HYDIN: variants seen among roughly 807,000 people sequenced by gnomAD.
HYDIN encodes axonemal central pair apparatus protein HYDIN.
In HYDIN, 132 loss-of-function variants were observed where a neutral mutation model predicts 403.9. The ratio of observed to expected loss-of-function variants is 0.33; its 90% confidence interval spans 0.28 to 0.38. The LOEUF (loss-of-function observed/expected upper bound fraction) is 0.38, where lower values mean the gene tolerates loss of function less well. Among genes scored for constraint, HYDIN ranks in the 10% least tolerant of loss-of-function variants. The pLI is 1.00. For missense variants in HYDIN, 2,827 were observed against 5,009.5 expected, an observed-to-expected ratio of 0.56 and a Z score of 13.15; for synonymous variants, 1,202 against 1,891.7, an observed-to-expected ratio of 0.64 and a Z score of 9.46.
chr16:71,228,970 G>T (rs371528609), intron 1 of HYDIN, among the ~76,000 whole-genome samples: 1 of 152,126 alleles, frequency 6.6e-6, no homozygotes, highest in East Asian at 1.9e-4. Context: ...GGAATACTAT[G>T]CAGCCATAAA....
At chr16:71,105,241 C>A (rs2083578021) in intron 10 of HYDIN, among the ~76,000 whole-genome samples, 2 of 151,660 alleles carry the variant, frequency 1.3e-5, no homozygotes, top group South Asian at 4.2e-4. Flanking sequence ...GAAAAATACC[C>A]AGAATACATC....
rs749125477 is a variant in HYDIN, at chr16:70,868,734, C to T, written c.11146G>A (p.Asp3716Asn). 2 of 1,614,020 alleles carry T rather than the reference C, an allele frequency of 1.2e-6. No homozygotes were observed. The highest frequency in any genetic ancestry group is 1.7e-6 in the Non-Finnish European group (2 of 1,180,004). Residue 3716 changes from aspartate to asparagine, a missense_variant, in exon 66 of 86, where the codon GAT becomes AAT. Asp to Asn is a conservative substitution (Grantham distance 23, BLOSUM62 1). Transcript: ENST00000393567. ...AKDIVVTMKSDVPINLKNMRI... is the reference protein window; with the variant it reads ...AKDIVVTMKSNVPINLKNMRI... ...ATATTCTTTAGGTTGATGGGTACAT[C>T]TGACTTCATGGTCACCACTATGTCC...
intron 44 of HYDIN, among the ~76,000 whole-genome samples, chr16:70,936,575 AC>A (rs2077499387): frequency 7.0e-6 from 1 of 143,254 alleles, no homozygotes; most frequent in Non-Finnish European, 1.6e-5. Flanking sequence ...TCGCTCTGTC[AC>A]CCAGGCTGGA....
At chr16:71,195,384 G>A (rs1235815879) in intron 1 of HYDIN, among the ~76,000 whole-genome samples, 2 of 152,090 alleles carry the variant, frequency 1.3e-5, no homozygotes, top group African/African-American at 2.4e-5. Flanking sequence ...GCTACAGTGA[G>A]GGCAAGGGCT....
At chr16:71,176,168 G>A (rs2086662931) in intron 4 of HYDIN, among the ~76,000 whole-genome samples, 1 of 133,376 alleles carries the variant, frequency 7.5e-6, no homozygotes, top group African/African-American at 4.2e-5. Flanking sequence ...AGCCGGGTGT[G>A]GTAGCATGTG....
chr16:71,103,070 G>T (rs1223813925), intron 10 of HYDIN, among the ~76,000 whole-genome samples: 1 of 137,454 alleles, frequency 7.3e-6, no homozygotes, highest in Non-Finnish European at 1.5e-5. Flanking sequence ...TAGAAAAACT[G>T]GATAGAGTTT....
intron 58 of HYDIN, among the ~76,000 whole-genome samples, chr16:70,884,837 A>T (rs2041034516): frequency 6.6e-6 from 1 of 152,244 alleles, no homozygotes; most frequent in African/African-American, 2.4e-5. Flanking sequence ...GCCTGAGATA[A>T]GGGAAGGGTC....
intron 18 of HYDIN, among the ~76,000 whole-genome samples, chr16:71,053,992 A>C (rs1445435783): frequency 6.6e-6 from 1 of 152,274 alleles, no homozygotes; most frequent in Non-Finnish European, 1.5e-5. Flanking sequence ...GCTGACTTTT[A>C]TCATGCAACC....
intron 5 of HYDIN, among the ~76,000 whole-genome samples, chr16:71,173,340 A>G (rs1197720636): frequency 6.6e-6 from 1 of 152,260 alleles, no homozygotes; most frequent in African/African-American, 2.4e-5. Flanking sequence ...GCAATGCTGG[A>G]TAAGTGGAAC....
In HYDIN at chr16:70,881,607, C is replaced by CA. The variant is rs10711812; in HGVS notation, c.10215+1052dup. Among the ~76,000 whole-genome samples the CA allele has an allele frequency of 3.3e-3, 431 of 130,632 alleles. 3 individuals carry two copies. Among genetic ancestry groups the CA allele is most frequent in the African/African-American group, 8.3e-3 (285 of 34,392 alleles). 85.7% of individuals were successfully genotyped at this position (130,632 alleles called of 152,430 possible). On this transcript the variant is annotated intron_variant, in intron 60 of 85. Transcript: ENST00000393567. ...TGGGCGACAGAGCAAGACTCCGTCT[C>CA]AAAAAAAAAAAAAAAACTCAGAGAA...
Position 70,882,889 on chromosome 16 carries a change from A to C in HYDIN, c.9986T>G (p.Val3329Gly). 1 of 1,585,130 alleles carries C rather than the reference A, an allele frequency of 6.3e-7. No homozygotes were observed. Among genetic ancestry groups the C allele is most frequent in the Admixed American group, 1.7e-5 (1 of 59,970 alleles). Residue 3329 changes from valine (V) to glycine (G), a missense_variant, in exon 60 of 86, where the codon GTG becomes GGG. Coordinates refer to ENST00000393567, the MANE Select transcript of HYDIN (RefSeq NM_001270974.2). Reference sequence around the variant, plus strand: ...AAATATCAAGGCATTGTTTTCGGTCACGAAGGCTGGGGAGTGAAGGGGAGA... The same window carrying C: ...AAATATCAAGGCATTGTTTTCGGTCCCGAAGGCTGGGGAGTGAAGGGGAGA... ...LLAEACLPAF[V>G]TENNALIFEE...
rs2076607478 is a variant in HYDIN at position 70,908,748 on chromosome 16, C to T, written c.8118G>A (p.Lys2706=). 6.2e-7 allele frequency: 1 copy of T among 1,614,034 alleles called. No homozygotes were observed. Among genetic ancestry groups the T allele is most frequent in the Admixed American group, 1.7e-5 (1 of 60,006 alleles). The change falls in exon 48 of 86, where the codon AAG becomes AAA. Residue 2706 remains lysine (K), a synonymous_variant. Transcript: ENST00000393567. ...KDKRHMALNR[K]VLSGEPAGTI... ...TTCCAGCAGGTTCCCCAGAAAGGAC[C>T]TTCCTGTTTAAGGCCATGTGACGCT...
intron 1 of HYDIN, among the ~76,000 whole-genome samples, chr16:71,226,761 CAG>C (rs2041050581): frequency 6.6e-6 from 1 of 152,130 alleles, no homozygotes; most frequent in Non-Finnish European, 1.5e-5. Context: ...TCGGGCCTCC[CAG>C]AGAGTATAAA....
intron 13 of HYDIN, among the ~76,000 whole-genome samples, chr16:71,071,397 A>G (rs2082464342): frequency 6.9e-6 from 1 of 145,394 alleles, no homozygotes. Flanking sequence ...AGTTGCAACC[A>G]ATCCTAATAC....
intron 4 of HYDIN, among the ~76,000 whole-genome samples, chr16:71,178,220 G>A (rs963331033): frequency 3.3e-5 from 5 of 152,050 alleles, no homozygotes; most frequent in Admixed American, 6.6e-5. Context: ...AGGAGCTTGA[G>A]AGCAGCCTGA....
Position 71,064,816 on chromosome 16 carries a change from C to A in HYDIN, c.2100G>T (p.Leu700=). 6.2e-7 allele frequency: 1 copy of A among 1,609,706 alleles called. No homozygotes were observed. The highest frequency in any genetic ancestry group is 8.5e-7 in the Non-Finnish European group (1 of 1,177,288). ...GCCCAAAGTCCACCTCTGTATTGAC[C>A]AGGTGGAGGGCAGGTACAACACACC... ...TARCVVPALH[L]VNTEVDFGHC... is the part of the protein sequence containing the mutation. Residue 700 remains leucine (L), a synonymous_variant, in exon 16 of 86, where the codon CTG becomes CTT. Coordinates refer to ENST00000393567, the MANE Select transcript of HYDIN (RefSeq NM_001270974.2).
chr16:70,879,276 T>G (rs1347183706), intron 62 of HYDIN, 21 bp downstream of exon 62: 5 of 1,231,776 alleles, frequency 4.1e-6, no homozygotes, highest in Admixed American at 2.2e-5. Context: ...TTCAGCCTCA[T>G]GCTTCACCCT....
chr16:70,997,069 C>A (rs1016783456), intron 23 of HYDIN, among the ~76,000 whole-genome samples: 1 of 151,366 alleles, frequency 6.6e-6, no homozygotes, highest in African/African-American at 2.4e-5. Context: ...GGCATTAGAT[C>A]CTCATAAGGA....
intron 10 of HYDIN, among the ~76,000 whole-genome samples, chr16:71,099,908 C>A (rs1310021632): frequency 6.6e-6 from 1 of 152,044 alleles, no homozygotes; most frequent in Non-Finnish European, 1.5e-5. Flanking sequence ...GAGGCTGAGG[C>A]AAGAGGATCA....
Sources: allele counts gnomAD v4.1 joint callset (sites outside exome capture counted in the v4.1 genomes callset), GRCh38; gene constraint gnomAD v4.1.1; transcripts MANE v1.5; gene names NCBI Gene and HGNC (gene_info 2026-07-23, HGNC 2026-07-21).